The following MBD5 variants were observed in gnomAD, a reference collection of about 807,000 sequenced individuals.
MBD5 encodes the protein methyl-CpG binding domain protein 5, also known as methyl-CpG-binding domain protein 5.
A neutral mutation model predicts 117.3 loss-of-function variants in MBD5; 13 were observed. The observed-to-expected ratio is 0.11, with a 90% CI of 0.07 to 0.18. The LOEUF (loss-of-function observed/expected upper bound fraction) is 0.18. MBD5 is among the 10% of genes least tolerant of loss of function. The pLI, the probability that MBD5 is intolerant of heterozygous loss-of-function variation, is 1.00. For missense variants in MBD5, 1,879 were observed against 2,093.8 expected (o/e 0.90, Z 2.00); for synonymous variants, 727 against 766.4 (o/e 0.95, Z 0.85).
At chr2:148,138,312 T>C (rs1697221670) in intron 1 of MBD5, among the ~76,000 whole-genome samples, 1 of 152,178 alleles carries the variant, frequency 6.6e-6, no homozygotes, top group African/African-American at 2.4e-5. Flanking sequence ...AAATGAGGTA[T>C]GTGAAAGGTG....
intron 11 of MBD5, among the ~76,000 whole-genome samples, chr2:148,491,583 G>A (rs1273291625): frequency 6.6e-6 from 1 of 151,914 alleles, no homozygotes; most frequent in Non-Finnish European, 1.5e-5. Context: ...GAAACCAAAA[G>A]CATTTTTGCC....
intron 4 of MBD5, among the ~76,000 whole-genome samples, chr2:148,434,963 C>T (rs1706111394): frequency 1.3e-5 from 2 of 152,098 alleles, no homozygotes; most frequent in African/African-American, 4.8e-5. Flanking sequence ...GTTAGGTCTT[C>T]TTGTGGAATT....
At chr2:148,099,207 A>G (rs1276645855) in intron 1 of MBD5, among the ~76,000 whole-genome samples, 1 of 152,222 alleles carries the variant, frequency 6.6e-6, no homozygotes. Context: ...CTAATGAGTA[A>G]TGAACTTACT....
intron 3 of MBD5, among the ~76,000 whole-genome samples, chr2:148,286,583 A>G (rs1701373855): frequency 6.6e-6 from 1 of 152,216 alleles, no homozygotes; most frequent in Non-Finnish European, 1.5e-5. Flanking sequence ...CTTTGTTAAC[A>G]CTGTACCAGA....
intron 4 of MBD5, among the ~76,000 whole-genome samples, chr2:148,421,320 C>T (rs1375677835): frequency 5.3e-5 from 8 of 152,124 alleles, no homozygotes; most frequent in Admixed American, 1.3e-4. Flanking sequence ...GAAGCACAAG[C>T]GGTCAGGGTA....
At chr2:148,409,828 C>CA (rs372538226) in intron 4 of MBD5, among the ~76,000 whole-genome samples, 10 of 152,194 alleles carry the variant, frequency 6.6e-5, no homozygotes, top group African/African-American at 2.4e-4. Context: ...TTCTTTGACT[C>CA]ACTTTTCTTC....
chr2:148,449,700 G>A (rs1254268945), intron 4 of MBD5, among the ~76,000 whole-genome samples: 5 of 151,918 alleles, frequency 3.3e-5, no homozygotes, highest in South Asian at 2.1e-4. Flanking sequence ...TATTCTTTCC[G>A]ACTCTCCATA....
chr2:148,084,751 CAGGGTATCATGTAAAATAT>C (rs1695735890), intron 1 of MBD5, among the ~76,000 whole-genome samples: 1 of 152,114 alleles, frequency 6.6e-6, no homozygotes, highest in Admixed American at 6.5e-5. Flanking sequence ...TATGTAAATA[CAGGGTATCATGTAAAATAT>C]TTTTGTCATT....
At chr2:148,057,969 A>G (rs1694916923) in intron 1 of MBD5, among the ~76,000 whole-genome samples, 2 of 152,086 alleles carry the variant, frequency 1.3e-5, no homozygotes, top group African/African-American at 4.8e-5. Context: ...TAAAGAACAG[A>G]TATTAAAATC....
chr2:148,490,095 C>CAGGGGATAAAATTCT lies in MBD5; in HGVS notation c.4466_4480dup (p.Gly1489_Leu1493dup). The CAGGGGATAAAATTCT allele has an allele frequency of 1.2e-6, 2 of 1,613,864 alleles. No homozygotes were observed. Among genetic ancestry groups the CAGGGGATAAAATTCT allele is most frequent in the Non-Finnish European group, 1.7e-6 (2 of 1,179,990 alleles). On this transcript the variant is annotated inframe_insertion, in exon 11 of 14. Transcript: ENST00000642680. ...ATACTGTTACCACCAAGAAACTGTC[C>CAGGGGATAAAATTCT]AGGGGATAAAATTCTAGAGGAAAAT...
At chr2:148,251,146 A>C (rs1700455665) in intron 3 of MBD5, among the ~76,000 whole-genome samples, 1 of 152,192 alleles carries the variant, frequency 6.6e-6, no homozygotes, top group South Asian at 2.1e-4. Flanking sequence ...AAAAGGCAGG[A>C]GTGCCTGACC....
At chr2:148,355,646 T>C (rs1352292074) in intron 4 of MBD5, among the ~76,000 whole-genome samples, 1 of 152,186 alleles carries the variant, frequency 6.6e-6, no homozygotes, top group Non-Finnish European at 1.5e-5. Flanking sequence ...TATATATCTG[T>C]TTTGGTACCA....
intron 11 of MBD5, among the ~76,000 whole-genome samples, chr2:148,500,517 G>C (rs1467295122): frequency 6.6e-6 from 1 of 152,094 alleles, no homozygotes; most frequent in South Asian, 2.1e-4. Flanking sequence ...AAATGCACAA[G>C]AAATGTTTTT....
At chr2:148,089,429 T>C (rs1695880331) in intron 1 of MBD5, among the ~76,000 whole-genome samples, 1 of 152,064 alleles carries the variant, frequency 6.6e-6, no homozygotes, top group African/African-American at 2.4e-5. Context: ...TTCTCCGTGA[T>C]AGACCATACG....
chr2:148,048,787 T>TC (rs1054258200), intron 1 of MBD5, among the ~76,000 whole-genome samples: 12 of 151,910 alleles, frequency 7.9e-5, no homozygotes, highest in African/African-American at 2.9e-4. Flanking sequence ...GGTTGAAAAG[T>TC]CCCCCAGAAG....
At chr2:148,023,827 G>A (rs990244034) in intron 1 of MBD5, among the ~76,000 whole-genome samples, 5 of 151,378 alleles carry the variant, frequency 3.3e-5, no homozygotes, top group African/African-American at 1.2e-4. Context: ...GATCCTTTAT[G>A]GTTAGAAGAT....
chr2:148,485,061 C>T (rs987530943), intron 9 of MBD5: 2 of 152,054 alleles, frequency 1.3e-5, no homozygotes, highest in Non-Finnish European at 2.9e-5. Context: ...CTATGACATT[C>T]TCCTCAAGAA....
chr2:148,492,412 T>C (rs1439045000), intron 11 of MBD5, among the ~76,000 whole-genome samples: 2 of 151,994 alleles, frequency 1.3e-5, no homozygotes, highest in Non-Finnish European at 2.9e-5. Flanking sequence ...TATCAAGATA[T>C]ACTATATACT....
At chr2:148,243,736 A>T (rs940624777) in intron 3 of MBD5, 1 of 152,060 alleles carries the variant, frequency 6.6e-6, no homozygotes, top group African/African-American at 2.4e-5. Context: ...ACTTGTTATG[A>T]CCAACGCTCC....
Sources: allele counts gnomAD v4.1 joint callset (sites outside exome capture counted in the v4.1 genomes callset), GRCh38; gene constraint gnomAD v4.1.1; transcripts MANE v1.5; gene names NCBI Gene and HGNC (gene_info 2026-07-23, HGNC 2026-07-21).